The following BTG4 variants were observed in gnomAD, a reference collection of about 807,000 sequenced individuals.
BTG4 encodes BTG anti-proliferation factor 4, also known as protein BTG4.
A neutral mutation model predicts 19.3 loss-of-function variants in BTG4; 10 were observed. The observed-to-expected ratio is 0.52, with a 90% CI of 0.32 to 0.88. The LOEUF (loss-of-function observed/expected upper bound fraction) is 0.88. Among genes scored for constraint, BTG4 ranks in the 40% least tolerant of loss-of-function variants. The pLI is 0.04. For synonymous variants in BTG4, 91 were observed against 95.7 expected (o/e 0.95, Z 0.29); for missense variants, 238 against 281.9 (o/e 0.84, Z 1.11).
chr11:111,509,569 G>A (rs373847227), intron 1 of BTG4, among the ~76,000 whole-genome samples: 7 of 151,794 alleles, frequency 4.6e-5, no homozygotes, highest in Non-Finnish European at 7.4e-5. Flanking sequence ...GGTGGTGGGC[G>A]CCTGTAATCC....
At chr11:111,487,236 G>T (rs867731077) in intron 5 of BTG4, among the ~76,000 whole-genome samples, 5 of 152,246 alleles carry the variant, frequency 3.3e-5, no homozygotes, top group Middle Eastern at 6.8e-3. Flanking sequence ...GGGCATTTAG[G>T]TTGGCTCCAT....
chr11:111,396,163 T>G, the BTG4 span, among the ~76,000 whole-genome samples: 4 of 152,346 alleles, frequency 2.6e-5, no homozygotes, highest in Non-Finnish European at 5.9e-5. Context: ...AACTCCTACA[T>G]AAGAACAGAT....
the BTG4 span, among the ~76,000 whole-genome samples, chr11:111,422,700 G>C: frequency 6.6e-6 from 1 of 152,154 alleles, no homozygotes; most frequent in African/African-American, 2.4e-5. Context: ...GGACAGGACA[G>C]GGTGACTCCC....
At chr11:111,478,003 A>T (rs1042732002) in intron 5 of BTG4, among the ~76,000 whole-genome samples, 8 of 152,072 alleles carry the variant, frequency 5.3e-5, no homozygotes, top group African/African-American at 1.9e-4. Context: ...TTTCATCCCC[A>T]CAGGGTAGTT....
At chr11:111,402,107 T>C in the BTG4 span, among the ~76,000 whole-genome samples, 6 of 152,330 alleles carry the variant, frequency 3.9e-5, no homozygotes, top group East Asian at 1.2e-3. Flanking sequence ...GAGGCAGGTT[T>C]TTCCCATGCT....
chr11:111,504,628 G>A (rs1866324032), intron 1 of BTG4, among the ~76,000 whole-genome samples: 1 of 151,898 alleles, frequency 6.6e-6, no homozygotes, highest in South Asian at 2.1e-4. Flanking sequence ...GAGCTATCAG[G>A]CAAGAGAAAA....
At chr11:111,466,026 C>T (rs7107258), downstream of BTG4, among the ~76,000 whole-genome samples, 3,264 of 152,282 alleles carry the variant, frequency 0.021, 117 homozygotes, top group African/African-American at 0.074. Flanking sequence ...AGCCCCACTT[C>T]AACCTTCGTC....
the BTG4 span, chr11:111,385,318 GA>G: frequency 6.6e-6 from 1 of 152,044 alleles, no homozygotes; most frequent in African/African-American, 2.4e-5. Flanking sequence ...AAGTTGGCAG[GA>G]TAGGTTCAAC....
the BTG4 span, among the ~76,000 whole-genome samples, chr11:111,434,705 A>G: frequency 1.5e-5 from 2 of 131,802 alleles, no homozygotes; most frequent in Non-Finnish European, 3.1e-5. Context: ...ATAATTGTTT[A>G]AAAAAAAAAA....
At chr11:111,472,376 T>G (rs1027590464) in intron 5 of BTG4, among the ~76,000 whole-genome samples, 11 of 152,158 alleles carry the variant, frequency 7.2e-5, no homozygotes, top group Admixed American at 5.9e-4. Context: ...CCAGGAGGAA[T>G]TTTTGTCCCC....
At chr11:111,415,874 A>C in the BTG4 span, 1 of 152,064 alleles carries the variant, frequency 6.6e-6, no homozygotes, top group Non-Finnish European at 1.5e-5. Flanking sequence ...GACTGTCTCT[A>C]CTAAAAATCA....
chr11:111,489,800 T>C (rs1448038134), intron 5 of BTG4, among the ~76,000 whole-genome samples: 1 of 150,980 alleles, frequency 6.6e-6, no homozygotes, highest in South Asian at 2.1e-4. Context: ...AAAAAAAAAA[T>C]TGAACCCATG....
At chr11:111,391,129 C>T in the BTG4 span, among the ~76,000 whole-genome samples, 1 of 152,156 alleles carries the variant, frequency 6.6e-6, no homozygotes. Flanking sequence ...CAGGGGTAGA[C>T]AACCATATAG....
chr11:111,514,450 T>G, upstream of BTG4: 1 of 329,242 alleles, frequency 3.0e-6, no homozygotes, highest in Non-Finnish European at 5.8e-6. Context: ...GAATTTAAAG[T>G]TTATTTAGCT....
the BTG4 span, chr11:111,454,844 G>A: frequency 5.2e-6 from 2 of 381,508 alleles, no homozygotes; most frequent in South Asian, 3.8e-5. Flanking sequence ...GGGGTTGGGG[G>A]GTGGGGTTCT....
At chr11:111,418,814 C>A in the BTG4 span, among the ~76,000 whole-genome samples, 2 of 152,184 alleles carry the variant, frequency 1.3e-5, no homozygotes, top group Non-Finnish European at 2.9e-5. Context: ...TTCTGCAAAC[C>A]CTCTCTGCCA....
downstream of BTG4, among the ~76,000 whole-genome samples, chr11:111,493,207 T>C (rs1260362522): frequency 1.3e-5 from 2 of 152,100 alleles, no homozygotes; most frequent in Non-Finnish European, 1.5e-5. Flanking sequence ...TGAAAAGATA[T>C]GCAAGAACTC....
At chr11:111,468,552 T>G (rs929491256) in intron 5 of BTG4, among the ~76,000 whole-genome samples, 1 of 152,214 alleles carries the variant, frequency 6.6e-6, no homozygotes, top group Middle Eastern at 3.2e-3. Flanking sequence ...AGTCAAAGGA[T>G]AGATCTCAGA....
At chr11:111,409,063 G>T in the BTG4 span, among the ~76,000 whole-genome samples, 1 of 152,228 alleles carries the variant, frequency 6.6e-6, no homozygotes, top group Admixed American at 6.5e-5. Context: ...CATTTCAGAA[G>T]GAGGAAGAGA....
Sources: allele counts gnomAD v4.1 joint callset (sites outside exome capture counted in the v4.1 genomes callset), GRCh38; gene constraint gnomAD v4.1.1; transcripts MANE v1.5; gene names NCBI Gene and HGNC (gene_info 2026-07-23, HGNC 2026-07-21).